CTDSPL: variants seen among roughly 807,000 people sequenced by gnomAD.
CTDSPL encodes the protein CTD small phosphatase like, also known as CTD small phosphatase-like protein.
In CTDSPL, 8 loss-of-function variants were observed where a neutral mutation model predicts 30.5. That is an observed-to-expected ratio of 0.26 (90% CI 0.15 to 0.47). CTDSPL has a LOEUF of 0.47. Among genes scored for constraint, CTDSPL ranks in the 20% least tolerant of loss-of-function variants. The pLI, the probability that CTDSPL is intolerant of heterozygous loss-of-function variation, is 0.99. For synonymous variants in CTDSPL, 110 were observed against 137.9 expected, an observed-to-expected ratio of 0.80 and a Z score of 1.42; for missense variants, 248 against 366.1, an observed-to-expected ratio of 0.68 and a Z score of 2.63.
At chr3:37,967,362 C>T (rs1008742234) in intron 4 of CTDSPL, among the ~76,000 whole-genome samples, 2 of 152,248 alleles carry the variant, frequency 1.3e-5, no homozygotes, top group African/African-American at 4.8e-5. Context: ...GTCCGTGTGG[C>T]CATCTTCTCC....
intron 3 of CTDSPL, among the ~76,000 whole-genome samples, chr3:37,957,479 A>T (rs935515651): frequency 6.6e-6 from 1 of 151,874 alleles, no homozygotes; most frequent in African/African-American, 2.4e-5. Context: ...CTTAGCCTCA[A>T]CTCCATAGAT....
intron 2 of CTDSPL, among the ~76,000 whole-genome samples, chr3:37,950,541 T>A (rs1210272637): frequency 2.0e-5 from 3 of 152,176 alleles, no homozygotes; most frequent in African/African-American, 7.2e-5. Context: ...GAAAAGCAAG[T>A]GGAAGAAGAA....
rs138019519 is a variant in CTDSPL at position 37,866,156 on chromosome 3, A to G, written c.79+3878A>G. ...TATTAGAACCATCCTAAGTGTCAGT[A>G]GGTGAATGGTTAGGCTATGATACAT... On this transcript the variant is annotated intron_variant, in intron 1 of 7. Coordinates refer to ENST00000273179, the MANE Select transcript of CTDSPL (RefSeq NM_001008392.2). 4.2e-4 allele frequency among the ~76,000 whole-genome samples: 64 copies of G among 152,376 alleles called. 1 individual carries two copies. The East Asian group carries it at 0.011, about 27-fold the overall frequency.
chr3:37,897,860 CA>C (rs1360621385), intron 1 of CTDSPL, among the ~76,000 whole-genome samples: 54 of 152,216 alleles, frequency 3.5e-4, no homozygotes, highest in African/African-American at 1.3e-3. Context: ...GTAAGTTTGC[CA>C]TTGCCGTTGT....
intron 1 of CTDSPL, among the ~76,000 whole-genome samples, chr3:37,902,449 C>T (rs1352908322): frequency 1.3e-5 from 2 of 152,226 alleles, no homozygotes; most frequent in African/African-American, 2.4e-5. Context: ...CCATGGGTCT[C>T]TGTACTTCCC....
chr3:37,970,476 T>C (rs1411713103), intron 5 of CTDSPL, among the ~76,000 whole-genome samples: 1 of 152,190 alleles, frequency 6.6e-6, no homozygotes, highest in Non-Finnish European at 1.5e-5. Context: ...TTTAAAGAGT[T>C]TGATTTATTT....
intron 5 of CTDSPL, among the ~76,000 whole-genome samples, 170 bp downstream of exon 5, chr3:37,968,052 T>G (rs1465375157): frequency 6.6e-6 from 1 of 152,260 alleles, no homozygotes; most frequent in East Asian, 1.9e-4. Context: ...AATGAATTTA[T>G]TTTATACTGA....
chr3:37,916,174 C>T (rs777604896), intron 1 of CTDSPL, among the ~76,000 whole-genome samples: 4 of 152,150 alleles, frequency 2.6e-5, no homozygotes, highest in East Asian at 3.8e-4. Flanking sequence ...AAATCCCAGG[C>T]GGACCTCTCT....
chr3:37,931,181 T>C (rs952628184), intron 1 of CTDSPL, among the ~76,000 whole-genome samples: 5 of 151,336 alleles, frequency 3.3e-5, no homozygotes, highest in Non-Finnish European at 5.9e-5. Flanking sequence ...AAGGTTTCAC[T>C]GTGTCATTCA....
intron 1 of CTDSPL, among the ~76,000 whole-genome samples, chr3:37,870,707 C>G (rs899315669): frequency 1.3e-5 from 2 of 152,180 alleles, no homozygotes; most frequent in Non-Finnish European, 2.9e-5. Flanking sequence ...CTACAAGTTT[C>G]TCTCTCAACA....
intron 2 of CTDSPL, among the ~76,000 whole-genome samples, chr3:37,949,461 A>G (rs1353448032): frequency 2.0e-5 from 3 of 152,248 alleles, no homozygotes; most frequent in East Asian, 1.9e-4. Context: ...TATGCAATCA[A>G]ATAGCATACA....
In CTDSPL at chr3:37,882,315, G is replaced by C. The variant is rs1323779260; in HGVS notation, c.79+20037G>C. Among the ~76,000 whole-genome samples, 6 of 151,990 alleles carry C rather than the reference G, an allele frequency of 3.9e-5. 1 individual carries two copies. Among genetic ancestry groups the C allele is most frequent in the Admixed American group, 2.6e-4 (4 of 15,258 alleles). Reference sequence around the variant, plus strand: ...AAATTAGCCAGGTGTGGTGGCTGGTGCCTATAGTCCCAGCTACTCGGGAGG... The same window carrying C: ...AAATTAGCCAGGTGTGGTGGCTGGTCCCTATAGTCCCAGCTACTCGGGAGG... On this transcript the variant is annotated intron_variant, in intron 1 of 7. Coordinates refer to ENST00000273179, the MANE Select transcript of CTDSPL (RefSeq NM_001008392.2).
chr3:37,966,781 C>T (rs1400189631), intron 4 of CTDSPL, among the ~76,000 whole-genome samples: 1 of 152,074 alleles, frequency 6.6e-6, no homozygotes, highest in Non-Finnish European at 1.5e-5. Flanking sequence ...CTGTGATGGG[C>T]TTAAAAGCAG....
At chr3:37,960,967 A>G (rs1699238871) in intron 3 of CTDSPL, among the ~76,000 whole-genome samples, 4 of 152,140 alleles carry the variant, frequency 2.6e-5, no homozygotes, top group Admixed American at 2.6e-4. Context: ...TTTGGCCACA[A>G]GGAAGTTTTA....
chr3:37,910,010 C>T (rs771284815), intron 1 of CTDSPL, among the ~76,000 whole-genome samples: 36 of 152,260 alleles, frequency 2.4e-4, no homozygotes, highest in Admixed American at 1.5e-3. Context: ...TCATTTTTAG[C>T]GATATGACTT....
intron 1 of CTDSPL, among the ~76,000 whole-genome samples, chr3:37,902,860 C>T (rs1200754016): frequency 6.6e-6 from 1 of 152,194 alleles, no homozygotes; most frequent in Non-Finnish European, 1.5e-5. Context: ...GGCAAGTGCT[C>T]ACTGGATCCC....
Position 37,905,594 on chromosome 3 carries a change from C to G in CTDSPL, c.80-41463C>G, listed in dbSNP as rs189837307. The stretch of plus-strand genomic sequence containing the variant: ...CTGCCTGAGCTAGGCTTCCTTCCCC[C>G]CCTCCCTCCTTGTGCCACAGCTGGG... On this transcript the variant is annotated intron_variant, in intron 1 of 7. Transcript: ENST00000273179. 1.1e-4 allele frequency among the ~76,000 whole-genome samples: 17 copies of G among 152,142 alleles called. No homozygotes were observed. In the East Asian group the frequency reaches 2.9e-3, roughly 26 times the overall value.
intron 1 of CTDSPL, among the ~76,000 whole-genome samples, chr3:37,916,899 G>A (rs544146975): frequency 1.3e-5 from 2 of 152,292 alleles, no homozygotes; most frequent in East Asian, 3.9e-4. Flanking sequence ...GGCCTAGAGA[G>A]GAGGCATCAA....
intron 1 of CTDSPL, among the ~76,000 whole-genome samples, chr3:37,897,825 A>AAAGTAG (rs1698405889): frequency 1.3e-5 from 2 of 152,186 alleles, no homozygotes; most frequent in South Asian, 4.1e-4. Flanking sequence ...AACAGAAAGA[A>AAAGTAG]AAGTAGCACA....
Sources: gnomAD v4.1 joint callset for allele counts (sites outside exome capture counted in the v4.1 genomes callset) on GRCh38, gnomAD v4.1.1 for gene constraint, MANE v1.5 for transcripts, NCBI Gene and HGNC (gene_info 2026-07-23, HGNC 2026-07-21) for gene names.